Variants in MAK observed in about 807,000 individuals in gnomAD.
MAK encodes the protein serine/threonine-protein kinase MAK.
Under a neutral mutation model 82.6 loss-of-function variants are expected in MAK, and 65 were observed. That is an observed-to-expected ratio of 0.79 (90% CI 0.64 to 0.97). The LOEUF is 0.97. Among genes scored for constraint, MAK ranks in the 50% least tolerant of loss-of-function variants. MAK has a pLI of 0.00. For missense variants in MAK, 703 were observed against 780.2 expected (o/e 0.90, Z 1.18); for synonymous variants, 250 against 274.2 (o/e 0.91, Z 0.87).
Position 10,802,005 on chromosome 6 carries a change from G to T in MAK, c.718C>A (p.Gln240Lys). The T allele has an allele frequency of 6.2e-7, 1 of 1,614,058 alleles. No homozygotes were observed. Among genetic ancestry groups the T allele is most frequent in the South Asian group, 1.1e-5 (1 of 91,076 alleles). Residue 240 changes from glutamine (Q) to lysine (K), a missense_variant, in exon 8 of 15, where the codon CAG becomes AAG. Transcript: ENST00000354489. ...GTTTTTAAGTTTATAGGAACACACT[G>T]GGGAAAACGGAAGTTCATAGAGGAT... ...LASSMNFRFP[Q>K]CVPINLKTLI... is the part of the protein sequence containing the mutation.
intron 14 of MAK, among the ~76,000 whole-genome samples, chr6:10,769,390 C>A (rs1253065922): frequency 6.6e-6 from 1 of 152,174 alleles, no homozygotes; most frequent in Non-Finnish European, 1.5e-5. Context: ...AATCATCACC[C>A]TCCATTTCAA....
chr6:10,797,485 A>T (rs1333449040), intron 8 of MAK: 2 of 583,878 alleles, frequency 3.4e-6, no homozygotes, highest in African/African-American at 4.1e-5. Flanking sequence ...TAATGCACAC[A>T]ATAGCACCCC....
At chr6:10,788,069 G>A (rs1410450991) in intron 10 of MAK, among the ~76,000 whole-genome samples, 1 of 151,692 alleles carries the variant, frequency 6.6e-6, no homozygotes, top group Non-Finnish European at 1.5e-5. Flanking sequence ...CTGGGGTGCA[G>A]TGGCTCGGCC....
chr6:10,821,670 C>T (rs1468349478), intron 2 of MAK, among the ~76,000 whole-genome samples: 1 of 152,132 alleles, frequency 6.6e-6, no homozygotes, highest in African/African-American at 2.4e-5. Flanking sequence ...TTTCATTCTA[C>T]CTGTAAAATC....
At chr6:10,816,212 A>G (rs1157981726) in intron 4 of MAK, among the ~76,000 whole-genome samples, 1 of 151,832 alleles carries the variant, frequency 6.6e-6, no homozygotes, top group Non-Finnish European at 1.5e-5. Flanking sequence ...CTAGGACTAC[A>G]GGTGTGTGCC....
chr6:10,810,097 C>CAAAAAAAAAA (rs1289360594), intron 5 of MAK, among the ~76,000 whole-genome samples: 5 of 36,000 alleles, frequency 1.4e-4, no homozygotes, highest in African/African-American at 3.7e-4. Context: ...GACACTGTCT[C>CAAAAAAAAAA]AAAAAAAAAA....
At chr6:10,782,151 G>A (rs1002967193) in intron 11 of MAK, among the ~76,000 whole-genome samples, 1 of 151,678 alleles carries the variant, frequency 6.6e-6, no homozygotes, top group Non-Finnish European at 1.5e-5. Flanking sequence ...AGGTTGCAGT[G>A]AGCCAAGATC....
At chr6:10,778,496 C>T (rs560880372) in intron 11 of MAK, among the ~76,000 whole-genome samples, 1 of 152,250 alleles carries the variant, frequency 6.6e-6, no homozygotes, top group South Asian at 2.1e-4. Flanking sequence ...GATACAACTC[C>T]CACATGCTTA....
chr6:10,837,988 G>A (rs1419186273), intron 1 of MAK: 1 of 152,404 alleles, frequency 6.6e-6, no homozygotes, highest in Non-Finnish European at 1.5e-5. Flanking sequence ...GAGGGCTGGA[G>A]TCGGACCTAA....
At chr6:10,802,278 A>G in intron 7 of MAK, 1 of 516,318 alleles carries the variant, frequency 1.9e-6, no homozygotes, top group East Asian at 3.3e-5. Flanking sequence ...ACAATGCGAA[A>G]AGCACTTTTA....
intron 11 of MAK, among the ~76,000 whole-genome samples, chr6:10,778,255 G>A (rs934953200): frequency 6.6e-6 from 1 of 152,164 alleles, no homozygotes; most frequent in Non-Finnish European, 1.5e-5. Context: ...AATCTAATGA[G>A]AAGGGAGACA....
At position 10,800,109 on chromosome 6, in the gene MAK, T is replaced by C. The variant is rs1427093403; in HGVS notation, c.831+1783A>G. ...AAAACCCCTCTGGTCTCTACAAAAA[T>C]ACAAAAATAAGCCAAGCGTGGTGGC... On this transcript the variant is annotated intron_variant, in intron 8 of 14. Transcript: ENST00000354489. The surrounding 1 kb of genome is among the most constrained non-coding windows in gnomAD (Gnocchi z 4.2). Among the ~76,000 whole-genome samples the C allele has an allele frequency of 6.6e-6, 1 of 151,160 alleles. No homozygotes were observed. The highest frequency in any genetic ancestry group is 2.4e-5 in the African/African-American group (1 of 41,062).
intron 13 of MAK, among the ~76,000 whole-genome samples, chr6:10,770,593 C>T (rs1056816898): frequency 6.6e-6 from 1 of 152,106 alleles, no homozygotes; most frequent in Admixed American, 6.5e-5. Context: ...ACTGCGAAGC[C>T]CCTATCTCTG....
intron 10 of MAK, among the ~76,000 whole-genome samples, chr6:10,787,818 G>A (rs1024984663): frequency 6.7e-5 from 10 of 149,334 alleles, no homozygotes; most frequent in South Asian, 4.2e-4. Context: ...CTGAGATCGC[G>A]CCACTGCACT....
intron 3 of MAK, 141 bp from the exon 4 acceptor site, chr6:10,818,112 T>C: frequency 2.0e-6 from 1 of 497,890 alleles, no homozygotes; most frequent in South Asian, 2.2e-5. Flanking sequence ...CATTTTAATA[T>C]CTACATAATT....
At chr6:10,836,303 C>T (rs986117223) in intron 1 of MAK, among the ~76,000 whole-genome samples, 8 of 152,118 alleles carry the variant, frequency 5.3e-5, no homozygotes, top group Non-Finnish European at 8.8e-5. Flanking sequence ...TTACATACTG[C>T]GCTCCCTAAG....
chr6:10,819,743 T>C (rs1777779897), intron 2 of MAK, among the ~76,000 whole-genome samples: 2 of 152,108 alleles, frequency 1.3e-5, no homozygotes, highest in Admixed American at 1.3e-4. Context: ...TATACACCAG[T>C]TAGTTGTTGT....
Position 10,795,984 on chromosome 6 carries a change from G to T in MAK, c.1143+14C>A. On this transcript the variant is annotated intron_variant, in intron 9 of 14. Transcript: ENST00000354489. Reference sequence around the variant, plus strand: ...CAAACTATTTCATTGCAAGTGTCATGACTGGCTACTCACAGTTGGCATGTT... The same window carrying T: ...CAAACTATTTCATTGCAAGTGTCATTACTGGCTACTCACAGTTGGCATGTT... 3 of 1,612,184 alleles carry T rather than the reference G, an allele frequency of 1.9e-6. No individual in the cohort carries two copies. The South Asian group carries it at 3.3e-5, about 18-fold the overall frequency.
chr6:10,784,610 A>G, intron 10 of MAK, 38 bp from the exon 11 acceptor site: 1 of 1,344,700 alleles, frequency 7.4e-7, no homozygotes, highest in Non-Finnish European at 1.0e-6. Context: ...CAGCACGAAC[A>G]ACGAGAGGAT....
Sources: gnomAD v4.1 joint callset for allele counts (sites outside exome capture counted in the v4.1 genomes callset) on GRCh38, gnomAD v4.1.1 for gene constraint, Gnocchi (gnomAD v3.1) non-coding constraint, MANE v1.5 for transcripts, NCBI Gene and HGNC (gene_info 2026-07-23, HGNC 2026-07-21) for gene names.